Variants in UNC13B observed in about 807,000 individuals in gnomAD.
The protein encoded by UNC13B is protein unc-13 homolog B.
UNC13B carries 144 observed loss-of-function variants against 211.0 expected under a neutral mutation model. The observed-to-expected ratio is 0.68, with a 90% CI of 0.60 to 0.78. The LOEUF is 0.78. Among genes scored for constraint, UNC13B ranks in the 30% least tolerant of loss-of-function variants. The probability of loss-of-function intolerance (pLI) is 0.00; values close to 1 mark genes in which losing one functional copy is unlikely to be tolerated. For synonymous variants in UNC13B, 709 were observed against 725.8 expected, an observed-to-expected ratio of 0.98 and a Z score of 0.37; for missense variants, 1,777 against 2,002.0, an observed-to-expected ratio of 0.89 and a Z score of 2.14.
rs1441397170 is a variant in UNC13B at position 35,386,293 on chromosome 9, G to T, written c.11094G>T (p.Leu3698=). ...ACTTATACAGCCGCCAGTACCAGCT[G>T]GTAAGAGGTTCAGGATCAGGTGGGG... ...CHDLYSRQYQ[L]KQELPPEEQG... The change falls in exon 24 of 40, where the codon CTG becomes CTT. Residue 3698 remains leucine (L), a splice_region_variant and synonymous_variant. Coordinates refer to ENST00000635942, the MANE Select transcript of UNC13B (RefSeq NM_001371189.2). 1.2e-6 allele frequency: 2 copies of T among 1,614,078 alleles called. No homozygotes were observed. Among genetic ancestry groups the T allele is most frequent in the East Asian group, 4.5e-5 (2 of 44,874 alleles).
chr9:35,368,098 A>C (rs185759905), intron 12 of UNC13B, among the ~76,000 whole-genome samples: 1 of 152,274 alleles, frequency 6.6e-6, no homozygotes, highest in South Asian at 2.1e-4. Context: ...TCAGGGGTAC[A>C]TGTGCAGGTT....
intron 6 of UNC13B, among the ~76,000 whole-genome samples, chr9:35,254,946 AT>A (rs1377744368): frequency 1.2e-4 from 14 of 121,124 alleles, no homozygotes; most frequent in Middle Eastern, 3.4e-3. Context: ...ATATTAATAT[AT>A]GTATATAATA....
intron 7 of UNC13B, among the ~76,000 whole-genome samples, chr9:35,289,004 G>GTTTTTTT (rs5897598): frequency 6.7e-6 from 1 of 149,204 alleles, no homozygotes; most frequent in Non-Finnish European, 1.5e-5. Flanking sequence ...CTACAGGAGG[G>GTTTTTTT]TTTTTTTTTT....
chr9:35,384,567 A>G (rs560201855), intron 22 of UNC13B: 1 of 985,478 alleles, frequency 1.0e-6, no homozygotes, highest in Admixed American at 6.1e-5. Flanking sequence ...ACACTCTACT[A>G]AACTCTCTGG....
chr9:35,184,810 G>C (rs1328468144), intron 1 of UNC13B, among the ~76,000 whole-genome samples: 4 of 105,674 alleles, frequency 3.8e-5, no homozygotes, highest in Admixed American at 1.0e-4. Context: ...GCGGGGGGGG[G>C]GGGGGAGAGA....
rs1170009780 is a variant in UNC13B at position 35,389,928 on chromosome 9, C to T, written c.11177C>T (p.Ser3726Leu). 1 of 1,614,032 alleles carries T rather than the reference C, an allele frequency of 6.2e-7. No individual in the cohort carries two copies. Among genetic ancestry groups the T allele is most frequent in the Non-Finnish European group, 8.5e-7 (1 of 1,180,014 alleles). Residue 3726 changes from serine to leucine, a missense_variant, in exon 25 of 40, where the codon TCA (serine) becomes TTA (leucine). Transcript: ENST00000635942. The part of the protein sequence containing the change: ...FWPKLITLIV[S>L]IIEEDKNSYT... ...CCCAAGCTCATCACACTCATCGTGT[C>T]AATCATAGAGGAAGATAAGAATTCC...
At chr9:35,343,175 C>T (rs761902396) in intron 11 of UNC13B, among the ~76,000 whole-genome samples, 12 of 152,246 alleles carry the variant, frequency 7.9e-5, no homozygotes, top group Admixed American at 6.5e-4. Context: ...CTCTGAGCTT[C>T]ATTTTTCTCA....
At chr9:35,361,578 A>C (rs1432317236) in intron 11 of UNC13B, 1 of 152,244 alleles carries the variant, frequency 6.6e-6, no homozygotes, top group East Asian at 1.9e-4. Flanking sequence ...CTAAGCCCTC[A>C]GGCTACAAAG....
At chr9:35,202,356 G>T (rs867342054) in intron 1 of UNC13B, among the ~76,000 whole-genome samples, 9 of 152,062 alleles carry the variant, frequency 5.9e-5, no homozygotes, top group Non-Finnish European at 1.2e-4. Flanking sequence ...TATTAGGTCC[G>T]CTTGGTGCAG....
chr9:35,242,093 A>G (rs1039574104), intron 5 of UNC13B, among the ~76,000 whole-genome samples: 1 of 152,162 alleles, frequency 6.6e-6, no homozygotes, highest in Non-Finnish European at 1.5e-5. Flanking sequence ...GATGTTTTTA[A>G]AAGGTGAGTT....
intron 24 of UNC13B, 139 bp from the exon 25 acceptor site, chr9:35,389,707 C>T: frequency 1.2e-6 from 1 of 835,816 alleles, no homozygotes; most frequent in Non-Finnish European, 1.9e-6. Flanking sequence ...TTGTGGAAGA[C>T]AGGCTCTAGG....
chr9:35,353,151 T>C (rs1832826895), intron 11 of UNC13B: 2 of 1,232,176 alleles, frequency 1.6e-6, no homozygotes, highest in East Asian at 3.2e-5. Context: ...ATGGTTCATA[T>C]TGACCTGAAT....
At chr9:35,311,134 C>A (rs973453967) in intron 10 of UNC13B, among the ~76,000 whole-genome samples, 8 of 152,170 alleles carry the variant, frequency 5.3e-5, no homozygotes, top group African/African-American at 1.7e-4. Context: ...CACCACCACA[C>A]CTGGCTAATT....
At chr9:35,280,444 GGGTATAGCTTCT>G (rs1248280064) in intron 7 of UNC13B, among the ~76,000 whole-genome samples, 9 of 152,162 alleles carry the variant, frequency 5.9e-5, no homozygotes, top group Admixed American at 5.9e-4. Context: ...GGATCAGACA[GGGTATAGCTTCT>G]GGTACCTCCA....
intron 1 of UNC13B, among the ~76,000 whole-genome samples, chr9:35,206,584 G>A (rs537449882): frequency 6.6e-6 from 1 of 151,984 alleles, no homozygotes; most frequent in African/African-American, 2.4e-5. Context: ...TAATACCATA[G>A]TGTAGGCCGG....
chr9:35,243,455 T>A, intron 6 of UNC13B, 91 bp downstream of exon 6: 1 of 1,309,330 alleles, frequency 7.6e-7, no homozygotes, highest in Admixed American at 2.0e-5. Context: ...AAGAGCATGT[T>A]GTCCTGAGAA....
chr9:35,403,465 G>T lies in UNC13B; in HGVS notation c.12603G>T (p.Trp4201Cys). ...TGGTGGCTGCCAATGACCTCAAGTG[G>T]CAGACAGCGGGTATGTTCCGGCCTT... The part of the protein sequence containing the change: ...VKVVAANDLK[W>C]QTAGMFRPFV... Residue 4201 changes from tryptophan to cysteine, a missense_variant, in exon 39 of 40, where the codon TGG becomes TGT. Coordinates refer to ENST00000635942, the MANE Select transcript of UNC13B (RefSeq NM_001371189.2). The T allele has an allele frequency of 6.2e-7, 1 of 1,613,936 alleles. No individual in the cohort carries two copies. The highest frequency in any genetic ancestry group is 1.1e-5 in the South Asian group (1 of 91,070).
chr9:35,355,728 A>G (rs1329091112), intron 11 of UNC13B, among the ~76,000 whole-genome samples: 1 of 152,210 alleles, frequency 6.6e-6, no homozygotes, highest in Admixed American at 6.5e-5. Context: ...AAGCTTTCTG[A>G]GGCAGTAATT....
At chr9:35,385,141 A>G (rs1835108872) in intron 22 of UNC13B, 1 of 985,440 alleles carries the variant, frequency 1.0e-6, no homozygotes, top group African/African-American at 1.7e-5. Context: ...TCTTCATAGC[A>G]GCTCCCTCCT....
Sources: gnomAD v4.1 joint callset for allele counts (sites outside exome capture counted in the v4.1 genomes callset) on GRCh38, gnomAD v4.1.1 for gene constraint, MANE v1.5 for transcripts, NCBI Gene and HGNC (gene_info 2026-07-23, HGNC 2026-07-21) for gene names.